The following LRFN2 variants were observed in gnomAD, a reference collection of about 807,000 sequenced individuals.
The protein encoded by LRFN2 is leucine rich repeat and fibronectin type III domain containing 2.
LRFN2 carries 18 observed loss-of-function variants against 37.3 expected under a neutral mutation model. That is an observed-to-expected ratio of 0.48 (90% CI 0.33 to 0.72). The LOEUF is 0.72. Ranked by LOEUF, LRFN2 falls within the 30% of genes least tolerant of loss-of-function variation. The probability of loss-of-function intolerance (pLI) is 0.02; values close to 1 mark genes in which losing one functional copy is unlikely to be tolerated. For synonymous variants in LRFN2, 556 were observed against 466.6 expected, an observed-to-expected ratio of 1.19 and a Z score of -2.47; for missense variants, 1,006 against 1,060.7, an observed-to-expected ratio of 0.95 and a Z score of 0.72.
At chr6:40,425,924 T>C (rs1354983666) in intron 2 of LRFN2, among the ~76,000 whole-genome samples, 18 of 152,242 alleles carry the variant, frequency 1.2e-4, no homozygotes, top group Non-Finnish European at 1.5e-5. Flanking sequence ...TCCTCCTTCC[T>C]GGTATGTAGA....
Position 40,392,845 on chromosome 6 carries a change from A to T in LRFN2, c.1468T>A (p.Cys490Ser), listed in dbSNP as rs1762541971. Residue 490 changes from cysteine (C) to serine (S), a missense_variant, in exon 3 of 3, where the codon TGT becomes AGT. Cys to Ser is a moderately radical substitution (Grantham distance 112, BLOSUM62 -1). Around this residue, in one of 4 missense-constraint regions of LRFN2, gnomAD observed 120 missense variants for 178.4 expected, o/e 0.67. Coordinates refer to ENST00000338305, the MANE Select transcript of LRFN2 (RefSeq NM_020737.3). The surrounding 1 kb of genome is among the most constrained non-coding windows in gnomAD (Gnocchi z 4.7). ...NLVSGTGYDL[C>S]VLAMWDDTAT... The stretch of plus-strand genomic sequence containing the variant: ...GTGTCATCCCACATGGCCAGCACAC[A>T]CAAGTCGTAGCCAGTCCCTGACACC... 6.2e-7 allele frequency: 1 copy of T among 1,614,080 alleles called. No individual in the cohort carries two copies. Among genetic ancestry groups the T allele is most frequent in the Non-Finnish European group, 8.5e-7 (1 of 1,180,000 alleles).
At chr6:40,394,181 C>T (rs1762569676) in intron 2 of LRFN2, among the ~76,000 whole-genome samples, 1 of 152,118 alleles carries the variant, frequency 6.6e-6, no homozygotes, top group Non-Finnish European at 1.5e-5. Context: ...AACTCCTCAC[C>T]CTGAACTCTG....
At chr6:40,478,593 G>A (rs921980575) in intron 1 of LRFN2, among the ~76,000 whole-genome samples, 2 of 152,190 alleles carry the variant, frequency 1.3e-5, no homozygotes, top group African/African-American at 4.8e-5. Flanking sequence ...AGGGTGAATG[G>A]TATAGACAGC....
intron 2 of LRFN2, among the ~76,000 whole-genome samples, chr6:40,406,577 C>A (rs1483816835): frequency 6.6e-6 from 1 of 152,166 alleles, no homozygotes; most frequent in Non-Finnish European, 1.5e-5. Flanking sequence ...ATAGCAGGCC[C>A]ACCTGGCTGT....
rs78529430 is a variant in LRFN2 at position 40,576,527 on chromosome 6, C to T, written c.-19+10414G>A. Among the ~76,000 whole-genome samples, 203 of 152,352 alleles carry T rather than the reference C, an allele frequency of 1.3e-3. 1 individual carries two copies. The East Asian group carries it at 0.016, about 12-fold the overall frequency. On this transcript the variant is annotated intron_variant, in intron 1 of 2. Transcript: ENST00000338305. Reference sequence around the variant, plus strand: ...AACTCATGCCTCAAGCTGGGCCAGCCACCACTGGGTCCCACCGGCCTTCCC... The same window carrying T: ...AACTCATGCCTCAAGCTGGGCCAGCTACCACTGGGTCCCACCGGCCTTCCC...
At chr6:40,430,180 G>C (rs1447536348) in intron 2 of LRFN2, among the ~76,000 whole-genome samples, 2 of 152,188 alleles carry the variant, frequency 1.3e-5, no homozygotes, top group Non-Finnish European at 2.9e-5. Context: ...TCTCCATCCT[G>C]AGATGTGACA....
chr6:40,466,582 G>A (rs186264560), intron 1 of LRFN2, among the ~76,000 whole-genome samples: 72 of 152,180 alleles, frequency 4.7e-4, no homozygotes, highest in African/African-American at 8.7e-4. Context: ...AATTGTTCCC[G>A]CCAGAGGACA....
At chr6:40,480,063 A>G (rs1391688511) in intron 1 of LRFN2, among the ~76,000 whole-genome samples, 1 of 152,180 alleles carries the variant, frequency 6.6e-6, no homozygotes, top group Non-Finnish European at 1.5e-5. Context: ...AAAAGTGAAC[A>G]CTGATTTAAT....
chr6:40,418,215 T>C (rs1309281016), intron 2 of LRFN2, among the ~76,000 whole-genome samples: 3 of 152,192 alleles, frequency 2.0e-5, no homozygotes, highest in Non-Finnish European at 4.4e-5. Flanking sequence ...GGCCTCTGTA[T>C]GTGCTGTTTC....
chr6:40,496,498 C>T (rs1765231558), intron 1 of LRFN2, among the ~76,000 whole-genome samples: 3 of 152,032 alleles, frequency 2.0e-5, no homozygotes, highest in Admixed American at 2.0e-4. Flanking sequence ...GCTCAGACAC[C>T]CTGGACTCAG....
chr6:40,514,317 T>G (rs534799527), intron 1 of LRFN2, among the ~76,000 whole-genome samples: 2 of 152,230 alleles, frequency 1.3e-5, no homozygotes, highest in East Asian at 3.9e-4. Context: ...TTTTTTTTGT[T>G]TGTTTTGTTT....
chr6:40,517,312 T>A (rs1765908997), intron 1 of LRFN2: 1 of 151,858 alleles, frequency 6.6e-6, no homozygotes, highest in African/African-American at 2.4e-5. Flanking sequence ...ACCTTATGAG[T>A]ATGGGGGATG....
chr6:40,521,118 G>C (rs1766053774), intron 1 of LRFN2, among the ~76,000 whole-genome samples: 1 of 152,190 alleles, frequency 6.6e-6, no homozygotes, highest in Admixed American at 6.5e-5. Flanking sequence ...AGGAAAGAGA[G>C]AGAGAAGAGG....
intron 1 of LRFN2, among the ~76,000 whole-genome samples, chr6:40,550,734 T>G (rs920182568): frequency 2.6e-5 from 4 of 152,146 alleles, no homozygotes; most frequent in Non-Finnish European, 2.9e-5. Context: ...TTGGGTGTGT[T>G]GAGGTGTAAA....
intron 2 of LRFN2, among the ~76,000 whole-genome samples, chr6:40,425,278 G>T (rs1763325788): frequency 1.3e-5 from 2 of 152,206 alleles, no homozygotes; most frequent in South Asian, 4.1e-4. Flanking sequence ...GATGGGGGCA[G>T]CATAACAAGC....
chr6:40,533,552 C>A (rs1244284415), intron 1 of LRFN2, among the ~76,000 whole-genome samples: 1 of 152,140 alleles, frequency 6.6e-6, no homozygotes, highest in African/African-American at 2.4e-5. Context: ...CTACCTCTCA[C>A]CCCCACCAAA....
chr6:40,496,828 C>T (rs1581750529), intron 1 of LRFN2, among the ~76,000 whole-genome samples: 1 of 151,782 alleles, frequency 6.6e-6, no homozygotes, highest in Admixed American at 6.5e-5. Flanking sequence ...GACTCTAGTC[C>T]CAGCATTTCA....
intron 1 of LRFN2, among the ~76,000 whole-genome samples, chr6:40,481,631 G>A (rs927529839): frequency 1.3e-5 from 2 of 152,046 alleles, no homozygotes; most frequent in Non-Finnish European, 2.9e-5. Context: ...CCAGGATTCT[G>A]GTGTACATGT....
intron 1 of LRFN2, among the ~76,000 whole-genome samples, chr6:40,579,289 C>G (rs1767348140): frequency 6.6e-6 from 1 of 152,160 alleles, no homozygotes; most frequent in Non-Finnish European, 1.5e-5. Flanking sequence ...CCCTTCTTCC[C>G]AGCTCAGCCC....
Sources: gnomAD v4.1 joint callset for allele counts (sites outside exome capture counted in the v4.1 genomes callset) on GRCh38, gnomAD v4.1.1 for gene constraint, gnomAD v4.1.1 regional missense constraint, Gnocchi (gnomAD v3.1) non-coding constraint, MANE v1.5 for transcripts, NCBI Gene and HGNC (gene_info 2026-07-23, HGNC 2026-07-21) for gene names.